The following ADAMTS7 variants were observed in gnomAD, a reference collection of about 807,000 sequenced individuals.
The protein encoded by ADAMTS7 is A disintegrin and metalloproteinase with thrombospondin motifs 7.
Under a neutral mutation model 172.6 loss-of-function variants are expected in ADAMTS7, and 89 were observed. The observed-to-expected ratio is 0.52, with a 90% confidence interval of 0.43 to 0.61. The LOEUF (loss-of-function observed/expected upper bound fraction) is 0.61. Among genes scored for constraint, ADAMTS7 ranks in the 20% least tolerant of loss-of-function variants. ADAMTS7 has a pLI of 0.00. For missense variants in ADAMTS7, 1,973 were observed against 2,355.6 expected (o/e 0.84, Z 3.36); for synonymous variants, 885 against 978.4 (o/e 0.90, Z 1.78).
At position 78,766,228 on chromosome 15, in the gene ADAMTS7, C is replaced by G. The variant is rs1257213051; in HGVS notation, c.3683G>C (p.Gly1228Ala). Residue 1228 changes from glycine (G) to alanine (A), a missense_variant, in exon 19 of 24, where the codon GGA becomes GCA. Gly to Ala is a moderately conservative substitution (Grantham distance 60). Transcript: ENST00000388820. ...FKDDEEPKGR[G>A]APHLPPRPSS... is the part of the protein sequence containing the mutation. ...GGGTCTCGGGGGCAGGTGGGGTGCT[C>G]CTCGGCCCTTGGGTTCCTCATCATC... The G allele has an allele frequency of 1.2e-6, 2 of 1,611,810 alleles. No individual in the cohort carries two copies. The highest frequency in any genetic ancestry group is 1.1e-5 in the South Asian group (1 of 91,014).
intron 1 of ADAMTS7, among the ~76,000 whole-genome samples, chr15:78,808,530 C>G (rs2055825189): frequency 6.6e-6 from 1 of 152,130 alleles, no homozygotes. Flanking sequence ...GCCACTGCAG[C>G]CCGCCAGCAT....
chr15:78,798,105 C>G lies in ADAMTS7; in HGVS notation c.465G>C (p.Val155=), dbSNP rs754471580. 4 of 1,553,050 alleles carry G rather than the reference C, an allele frequency of 2.6e-6. No individual in the cohort carries two copies. Among genetic ancestry groups the G allele is most frequent in the Admixed American group, 2.2e-5 (1 of 44,672 alleles). Residue 155 remains valine (V), a synonymous_variant, in exon 3 of 24, where the codon GTG becomes GTC. Transcript: ENST00000388820. ...AISACDGLKG[V]FQLSNEDYFI... The stretch of plus-strand genomic sequence containing the variant: ...AGTAGTCCTCGTTGGAGAGCTGGAA[C>G]ACACCTTTCTGGGGAAGAAGCACCA...
intron 19 of ADAMTS7, 151 bp downstream of exon 19, chr15:78,765,493 CG>C: frequency 7.7e-7 from 1 of 1,296,236 alleles, no homozygotes; most frequent in Non-Finnish European, 1.1e-6. Context: ...GAATGGGGCC[CG>C]GGGTCCCCTC....
intron 17 of ADAMTS7, 32 bp downstream of exon 17, chr15:78,768,100 TG>T: frequency 2.0e-6 from 1 of 506,976 alleles, no homozygotes; most frequent in Non-Finnish European, 2.6e-6. Flanking sequence ...GGGGATGGGG[TG>T]GGGAGTTGGC....
rs749214892 is a variant in ADAMTS7 at position 78,800,483 on chromosome 15, G to GC, written c.164dup (p.Ser56LeufsTer83). On this transcript the variant is annotated frameshift_variant, in exon 2 of 24. Transcript: ENST00000388820. LOFTEE classifies it high-confidence loss of function. ...GCCACAGCTCGTAGGACAGGAAGGA[G>GC]CCCCCCGCGTCGACTCGAACCGGGT... The GC allele has an allele frequency of 5.0e-6, 8 of 1,610,042 alleles. No individual in the cohort carries two copies. The highest frequency in any genetic ancestry group is 1.7e-5 in the Admixed American group (1 of 59,682).
intron 8 of ADAMTS7, among the ~76,000 whole-genome samples, chr15:78,783,699 G>T (rs1027227443): frequency 2.6e-5 from 4 of 152,168 alleles, no homozygotes; most frequent in African/African-American, 7.2e-5. Flanking sequence ...AGAGATAAGA[G>T]AACATACTGT....
chr15:78,767,717 G>C (rs1476915107), intron 17 of ADAMTS7, 125 bp from the exon 18 acceptor site: 3 of 889,918 alleles, frequency 3.4e-6, no homozygotes, highest in East Asian at 5.3e-5. Flanking sequence ...ACTGAGGCCA[G>C]TGGTTGATTC....
Position 78,765,675 on chromosome 15 carries a change from G to A in ADAMTS7, c.4236C>T (p.Asn1412=), listed in dbSNP as rs111789308. The A allele has an allele frequency of 0.018, 28,645 of 1,601,046 alleles. 1,498 individuals are homozygous for A. The African/African-American group carries it at 0.18, about 10-fold the overall frequency. Residue 1412 remains asparagine (N), a synonymous_variant, in exon 19 of 24, where the codon AAC becomes AAT. Transcript: ENST00000388820. ...GPPADPLVVR[N]AGWQAGNWSE... ...TCCAGTTTCCCGCTTGCCAGCCGGC[G>A]TTCCTGACAACCAACGGGTCCGCGG...
In ADAMTS7 at chr15:78,800,550, G is replaced by A. The variant is rs201123656; in HGVS notation, c.101-3C>T. 4 of 1,585,468 alleles carry A rather than the reference G, an allele frequency of 2.5e-6. No homozygotes were observed. Among genetic ancestry groups the A allele is most frequent in the East Asian group, 2.3e-5 (1 of 43,498 alleles). ...CGCCCGGCCCTCGGTTGCACGTCCT[G>A]CAGGGAGAGAACCACAAACGCCTAG... On this transcript the variant is annotated splice_polypyrimidine_tract_variant and splice_region_variant and intron_variant, in intron 1 of 23. Coordinates refer to ENST00000388820, the MANE Select transcript of ADAMTS7 (RefSeq NM_014272.5).
In ADAMTS7 at chr15:78,771,743, G is replaced by A. The variant is rs147285963; in HGVS notation, c.2218C>T (p.Arg740Trp). The A allele has an allele frequency of 6.8e-6, 11 of 1,611,420 alleles. No individual in the cohort carries two copies. Among genetic ancestry groups the A allele is most frequent in the African/African-American group, 1.3e-5 (1 of 74,892 alleles). Residue 740 changes from arginine (R) to tryptophan (W), a missense_variant, in exon 15 of 24, where the codon CGG becomes TGG. This residue lies in a region of ADAMTS7 where 771 missense variants were observed against 952.6 expected (regional missense o/e 0.81). Transcript: ENST00000388820. The surrounding 1 kb of genome is among the most constrained non-coding windows in gnomAD (Gnocchi z 4.9). The part of the protein sequence containing the change: ...VAEAANFLAL[R>W]SEDPEKYFLN... ...AAGTACTTCTCCGGGTCCTCGCTCC[G>A]CAGTGCCAGGAAGTTGGCAGCCTCG...
chr15:78,777,551 T>C lies in ADAMTS7; in HGVS notation c.1360A>G (p.Lys454Glu). ...ACCGAGGGGAAGTCGATAATGTCCT[T>C]GGCAGGAGGGTCGTCCAGGCACAGG... ...WGLCLDDPPA[K>E]DIIDFPSVPP... The change falls in exon 9 of 24, where the codon AAG (lysine) becomes GAG (glutamate). Residue 454 changes from lysine to glutamate, a missense_variant. Around this residue, in one of 8 missense-constraint regions of ADAMTS7, gnomAD observed 526 missense variants for 662.9 expected, o/e 0.79. Transcript: ENST00000388820. The C allele has an allele frequency of 6.2e-7, 1 of 1,608,730 alleles. No individual in the cohort carries two copies. The highest frequency in any genetic ancestry group is 8.5e-7 in the Non-Finnish European group (1 of 1,177,762).
rs1751369085 is a variant in ADAMTS7 at position 78,771,888 on chromosome 15, C to T, written c.2132-59G>A. 4.5e-6 allele frequency: 7 copies of T among 1,569,990 alleles called. No individual in the cohort carries two copies. Among genetic ancestry groups the T allele is most frequent in the East Asian group, 4.5e-5 (2 of 44,566 alleles). ...AGGGTGAGAGGGTTGCTTATCCCCA[C>T]CCGCTCCCCTCATGTCTCTCCCCAC... On this transcript the variant is annotated intron_variant, in intron 14 of 23. Coordinates refer to ENST00000388820, the MANE Select transcript of ADAMTS7 (RefSeq NM_014272.5). This position sits in a 1 kb window ranked among gnomAD's most constrained non-coding sequence, Gnocchi z 4.9.
chr15:78,802,412 G>A (rs1470241704), intron 1 of ADAMTS7, among the ~76,000 whole-genome samples: 1 of 152,204 alleles, frequency 6.6e-6, no homozygotes, highest in Non-Finnish European at 1.5e-5. Context: ...AGTGTCTCCA[G>A]GCCTCCTGGA....
Position 78,771,293 on chromosome 15 carries a change from T to C in ADAMTS7, c.2387A>G (p.Gln796Arg), listed in dbSNP as rs1377586626. 1 of 1,612,572 alleles carries C rather than the reference T, an allele frequency of 6.2e-7. No homozygotes were observed. Residue 796 changes from glutamine to arginine, a missense_variant, in exon 16 of 24, where the codon CAG (glutamine) becomes CGG (arginine). Coordinates refer to ENST00000388820, the MANE Select transcript of ADAMTS7 (RefSeq NM_014272.5). This position sits in a 1 kb window ranked among gnomAD's most constrained non-coding sequence, Gnocchi z 4.9. ...GTAGTGCACCCCAGGGTTGCTCTCC[T>C]GGAACAGCAGCTGGGTGGGCAGGCG... is the stretch of plus-strand genomic sequence containing the variant. ...KEPVWIQLLF[Q>R]ESNPGVHYEY...
At chr15:78,806,141 A>G (rs1246447222) in intron 1 of ADAMTS7, among the ~76,000 whole-genome samples, 4 of 134,638 alleles carry the variant, frequency 3.0e-5, no homozygotes, top group South Asian at 4.7e-4. Context: ...AAAAAAAAAA[A>G]AAAAAAAAAA....
At chr15:78,791,563 T>C (rs969499309) in intron 4 of ADAMTS7, among the ~76,000 whole-genome samples, 10 of 152,206 alleles carry the variant, frequency 6.6e-5, no homozygotes, top group Admixed American at 2.0e-4. Flanking sequence ...GCACAGGCGA[T>C]GGCAGCTCAG....
intron 1 of ADAMTS7, among the ~76,000 whole-genome samples, chr15:78,808,385 C>A (rs1325051747): frequency 1.3e-5 from 2 of 152,108 alleles, no homozygotes; most frequent in East Asian, 3.9e-4. Flanking sequence ...TACAGGCATG[C>A]ACCACCATGT....
chr15:78,785,192 A>G (rs549717765), intron 8 of ADAMTS7, among the ~76,000 whole-genome samples: 1 of 152,224 alleles, frequency 6.6e-6, no homozygotes, highest in East Asian at 1.9e-4. Flanking sequence ...TAAAACTATT[A>G]AAGGATCTGG....
chr15:78,792,642 G>A (rs917757135), intron 4 of ADAMTS7, among the ~76,000 whole-genome samples: 5 of 152,094 alleles, frequency 3.3e-5, no homozygotes, highest in African/African-American at 9.7e-5. Flanking sequence ...GGTGAAACCC[G>A]TCTCTACTAA....
Sources: gnomAD v4.1 joint callset for allele counts (sites outside exome capture counted in the v4.1 genomes callset) on GRCh38, gnomAD v4.1.1 for gene constraint, gnomAD v4.1.1 regional missense constraint, Gnocchi (gnomAD v3.1) non-coding constraint, MANE v1.5 for transcripts, NCBI Gene and HGNC (gene_info 2026-07-23, HGNC 2026-07-21) for gene names.